The following DIAPH2 variants were observed in gnomAD, a reference collection of about 807,000 sequenced individuals.
The protein encoded by DIAPH2 is protein diaphanous homolog 2.
DIAPH2 carries 35 observed loss-of-function variants against 92.7 expected under a neutral mutation model. That is an observed-to-expected ratio of 0.38 (90% CI 0.29 to 0.50). The LOEUF is 0.50. Ranked by LOEUF, DIAPH2 falls within the 20% of genes least tolerant of loss-of-function variation. DIAPH2 has a pLI of 0.94. For missense variants in DIAPH2, 701 were observed against 819.5 expected, an observed-to-expected ratio of 0.86 and a Z score of 1.77; for synonymous variants, 301 against 280.4, an observed-to-expected ratio of 1.07 and a Z score of -0.73.
At chrX:97,502,052 C>G (rs1266765591) in intron 26 of DIAPH2, among the ~76,000 whole-genome samples, 1 of 112,157 alleles carries the variant, frequency 8.9e-6, no homozygotes, top group Non-Finnish European at 1.9e-5. Context: ...ATCCACCCAC[C>G]TTGGCCTCCC....
intron 4 of DIAPH2, among the ~76,000 whole-genome samples, chrX:96,829,281 C>G (rs1370281437): frequency 1.8e-5 from 2 of 110,795 alleles, no homozygotes; most frequent in African/African-American, 6.6e-5. Context: ...AGGCTTTTTT[C>G]CCCATTTTTT....
chrX:97,179,143 G>A (rs772713240), intron 22 of DIAPH2, among the ~76,000 whole-genome samples: 15 of 110,833 alleles, frequency 1.4e-4, no homozygotes, highest in African/African-American at 4.9e-4. Flanking sequence ...CTTGTAAATC[G>A]GTGTTAGTGG....
At chrX:97,008,830 A>G (rs2066203495) in intron 17 of DIAPH2, among the ~76,000 whole-genome samples, 1 of 111,064 alleles carries the variant, frequency 9.0e-6, no homozygotes, top group Non-Finnish European at 1.9e-5. Flanking sequence ...GGTGATGTAA[A>G]TGCTCCTGTG....
intron 19 of DIAPH2, among the ~76,000 whole-genome samples, chrX:97,081,503 CAAAATGTTTTT>C (rs1174643183): frequency 8.9e-6 from 1 of 112,227 alleles, no homozygotes; most frequent in East Asian, 2.8e-4. Context: ...TTGGATTGTG[CAAAATGTTTTT>C]AAAATATAAA....
intron 17 of DIAPH2, among the ~76,000 whole-genome samples, chrX:97,033,863 G>A (rs745362448): frequency 2.4e-4 from 27 of 111,202 alleles, no homozygotes; most frequent in Non-Finnish European, 4.9e-4. Context: ...GGTATAAAGG[G>A]CCAACATGAT....
chrX:97,503,370 A>G (rs1424284020), intron 26 of DIAPH2, among the ~76,000 whole-genome samples: 1 of 112,034 alleles, frequency 8.9e-6, no homozygotes, highest in Non-Finnish European at 1.9e-5. Context: ...ACTGCCCTGC[A>G]TAATTGCTAT....
chrX:97,012,791 G>C (rs2066236057), intron 17 of DIAPH2, among the ~76,000 whole-genome samples: 1 of 111,898 alleles, frequency 8.9e-6, no homozygotes, highest in Non-Finnish European at 1.9e-5. Flanking sequence ...AACATTTATT[G>C]ACTGTCTCTC....
At chrX:97,274,547 A>G (rs2147589634) in intron 23 of DIAPH2, among the ~76,000 whole-genome samples, 1 of 110,051 alleles carries the variant, frequency 9.1e-6, no homozygotes, top group African/African-American at 3.3e-5. Flanking sequence ...AAAGTCATAT[A>G]TCTTGTTGGC....
chrX:97,273,224 AC>A (rs2068405732), intron 23 of DIAPH2, among the ~76,000 whole-genome samples: 1 of 112,113 alleles, frequency 8.9e-6, no homozygotes, highest in African/African-American at 3.2e-5. Context: ...AGAAGCAAAA[AC>A]TTTTGTTTCT....
intron 23 of DIAPH2, among the ~76,000 whole-genome samples, chrX:97,326,819 T>G (rs945577434): frequency 2.7e-5 from 3 of 112,341 alleles, no homozygotes; most frequent in Non-Finnish European, 1.9e-5. Flanking sequence ...TGCACACCTG[T>G]CCTAGGGAGC....
At chrX:97,011,891 C>CAA (rs1169242843) in intron 17 of DIAPH2, among the ~76,000 whole-genome samples, 67 of 32,187 alleles carry the variant, frequency 2.1e-3, no homozygotes, top group South Asian at 6.7e-3. Flanking sequence ...GACACTGTCT[C>CAA]AAAAAAAAAA....
At chrX:97,400,580 G>C (rs188539572) in intron 25 of DIAPH2, among the ~76,000 whole-genome samples, 1 of 111,370 alleles carries the variant, frequency 9.0e-6, no homozygotes, top group East Asian at 2.8e-4. Context: ...GTACAATACA[G>C]TATTATTAAC....
intron 17 of DIAPH2, among the ~76,000 whole-genome samples, chrX:97,059,882 A>G (rs749643691): frequency 1.8e-5 from 2 of 111,456 alleles, no homozygotes; most frequent in Non-Finnish European, 3.8e-5. Flanking sequence ...CAAACCTATG[A>G]TGTTCAAGGG....
intron 22 of DIAPH2, among the ~76,000 whole-genome samples, chrX:97,235,624 GA>G (rs2068042490): frequency 1.1e-5 from 1 of 86,966 alleles, no homozygotes; most frequent in South Asian, 5.1e-4. Flanking sequence ...AAAAAAAAAA[GA>G]AAGAAATTTT....
intron 4 of DIAPH2, among the ~76,000 whole-genome samples, chrX:96,767,401 T>C: frequency 9.0e-6 from 1 of 111,088 alleles, no homozygotes; most frequent in Non-Finnish European, 1.9e-5. Flanking sequence ...CCTTGGATAA[T>C]TTACTTCTCT....
chrX:97,496,332 C>T (rs1473428934), intron 26 of DIAPH2, among the ~76,000 whole-genome samples: 1 of 109,194 alleles, frequency 9.2e-6, no homozygotes, highest in East Asian at 2.9e-4. Context: ...TGTGCCACCA[C>T]GCCCAGCTAA....
chrX:97,250,993 T>C (rs775260727), intron 23 of DIAPH2, among the ~76,000 whole-genome samples: 1 of 111,676 alleles, frequency 9.0e-6, no homozygotes, highest in African/African-American at 3.2e-5. Flanking sequence ...TTTCCAAGGC[T>C]ATTTCTAGCC....
chrX:97,260,155 ATGT>A (rs2068277464), intron 23 of DIAPH2, among the ~76,000 whole-genome samples: 1 of 112,606 alleles, frequency 8.9e-6, no homozygotes, highest in South Asian at 3.7e-4. Context: ...CACCTACTTG[ATGT>A]TGTTGAGGAT....
intron 25 of DIAPH2, among the ~76,000 whole-genome samples, chrX:97,415,207 A>G (rs2069929793): frequency 8.9e-6 from 1 of 111,945 alleles, no homozygotes; most frequent in African/African-American, 3.3e-5. Context: ...GAACCAACAG[A>G]TACTGGAGAG....
Sources: allele counts gnomAD v4.1 joint callset (sites outside exome capture counted in the v4.1 genomes callset), GRCh38; gene constraint gnomAD v4.1.1; transcripts MANE v1.5; gene names NCBI Gene and HGNC (gene_info 2026-07-23, HGNC 2026-07-21).